KAT7: variants seen among roughly 807,000 people sequenced by gnomAD.
KAT7 encodes the protein lysine acetyltransferase 7, also known as histone acetyltransferase KAT7.
In KAT7, 10 loss-of-function variants were observed where a neutral mutation model predicts 82.1. The ratio of observed to expected loss-of-function variants is 0.12; its 90% CI spans 0.08 to 0.21. KAT7 has a LOEUF of 0.21. Ranked by LOEUF, KAT7 falls within the 10% of genes least tolerant of loss-of-function variation. The probability of loss-of-function intolerance (pLI) is 1.00; values close to 1 mark genes in which losing one functional copy is unlikely to be tolerated. For synonymous variants in KAT7, 250 were observed against 262.5 expected (o/e 0.95, Z 0.46); for missense variants, 378 against 760.9 (o/e 0.50, Z 5.92).
intron 6 of KAT7, among the ~76,000 whole-genome samples, chr17:49,810,405 C>T (rs182804609): frequency 2.6e-5 from 4 of 152,086 alleles, no homozygotes; most frequent in Non-Finnish European, 2.9e-5. Context: ...TACAGGGGCA[C>T]GCCACCACGC....
At position 49,821,141 on chromosome 17, in the gene KAT7, G is replaced by A. The variant is rs114015156; in HGVS notation, c.1156-196G>A. On this transcript the variant is annotated intron_variant, in intron 9 of 14. Transcript: ENST00000259021. ...ACTTGTTCCAGATTGCTATAAAAGT[G>A]TCATAAATATATTCAAATGACTTTG... 4.0e-3 allele frequency among the ~76,000 whole-genome samples: 616 copies of A among 152,288 alleles called. 6 individuals are homozygous for A. Among genetic ancestry groups the A allele is most frequent in the African/African-American group, 0.014 (597 of 41,554 alleles).
intron 1 of KAT7, among the ~76,000 whole-genome samples, chr17:49,791,396 G>C (rs909360703): frequency 2.0e-4 from 31 of 152,186 alleles, no homozygotes; most frequent in Non-Finnish European, 4.1e-4. Flanking sequence ...GGTGGCTCAC[G>C]TCTGTAATCC....
At position 49,811,270 on chromosome 17, in the gene KAT7, C is replaced by G. The variant is rs570585932; in HGVS notation, c.754-206C>G. The stretch of plus-strand genomic sequence containing the variant: ...TACAGGCGTGCACCACCATGCCTGG[C>G]TAATTTTTGTATTTTTAATAGAGAT... On this transcript the variant is annotated intron_variant, in intron 6 of 14. Transcript: ENST00000259021. Among the ~76,000 whole-genome samples, 505 of 151,984 alleles carry G rather than the reference C, an allele frequency of 3.3e-3. 5 individuals carry two copies. The highest frequency in any genetic ancestry group is 0.012 in the African/African-American group (488 of 41,438).
intron 10 of KAT7, 57 bp from the exon 11 acceptor site, chr17:49,821,593 C>T: frequency 6.3e-7 from 1 of 1,593,922 alleles, no homozygotes; most frequent in Non-Finnish European, 8.6e-7. Flanking sequence ...GAATTTTAGG[C>T]CTTTATCTGT....
At chr17:49,799,103 CTTA>C (rs1250643702) in intron 4 of KAT7, among the ~76,000 whole-genome samples, 1 of 152,098 alleles carries the variant, frequency 6.6e-6, no homozygotes, top group African/African-American at 2.4e-5. Context: ...AAATAAGTAT[CTTA>C]TTATATTCTT....
intron 14 of KAT7, chr17:49,827,157 A>G: frequency 4.1e-6 from 2 of 490,686 alleles, no homozygotes; most frequent in East Asian, 3.3e-5. Flanking sequence ...CTAATTTTTT[A>G]AATTATTTCA....
intron 7 of KAT7, among the ~76,000 whole-genome samples, chr17:49,812,459 A>G (rs2074179723): frequency 6.6e-6 from 1 of 151,450 alleles, no homozygotes; most frequent in African/African-American, 2.4e-5. Context: ...TCCTGACCTC[A>G]GGTAATCTGC....
chr17:49,820,108 A>G (rs1328065221), intron 9 of KAT7, among the ~76,000 whole-genome samples: 1 of 152,196 alleles, frequency 6.6e-6, no homozygotes, highest in Non-Finnish European at 1.5e-5. Flanking sequence ...CTTTTGAAAA[A>G]TTAACTAACC....
At position 49,828,784 on chromosome 17, in the gene KAT7, A is replaced by G. The variant is rs557579297; in HGVS notation, c.*1282A>G. ...GATGTATGACATGTCACCCTTCCCA[A>G]CTTGGTCTCCTCCAACATGCTGTCT... On this transcript the variant is annotated 3_prime_UTR_variant, in exon 15 of 15. Transcript: ENST00000259021. 14 of 153,362 alleles carry G rather than the reference A, an allele frequency of 9.1e-5. No individual in the cohort carries two copies. The highest frequency in any genetic ancestry group is 3.1e-4 in the African/African-American group (13 of 41,540). 9.5% of individuals were successfully genotyped at this position (153,362 alleles called of 1,614,324 possible).
chr17:49,813,153 T>C (rs1243871622), intron 7 of KAT7, among the ~76,000 whole-genome samples: 4 of 152,088 alleles, frequency 2.6e-5, no homozygotes, highest in Non-Finnish European at 4.4e-5. Context: ...AACATAGTGA[T>C]AGGTAGTTTT....
intron 9 of KAT7, among the ~76,000 whole-genome samples, chr17:49,819,672 C>T (rs1204117304): frequency 2.0e-5 from 3 of 152,122 alleles, no homozygotes; most frequent in Admixed American, 6.5e-5. Flanking sequence ...TCAGGAAATA[C>T]CTAATTTATT....
At chr17:49,827,196 A>G in intron 14 of KAT7, 1 of 551,682 alleles carries the variant, frequency 1.8e-6, no homozygotes, top group South Asian at 2.7e-5. Flanking sequence ...GTGAGCGATG[A>G]TTTTCATTTC....
intron 2 of KAT7, chr17:49,795,791 A>G (rs1186599599): frequency 9.0e-6 from 2 of 222,508 alleles, no homozygotes; most frequent in African/African-American, 2.3e-5. Context: ...GTGTTTTCAC[A>G]TAAGATGTAG....
rs1041319262 is a variant in KAT7 at position 49,832,891 on chromosome 17, G to A, written c.*5389G>A. ...TGCTGTTCATTGGGATCATGGAATC[G>A]GACCTCAGCTGGTTTTGCCTCAGCA... On this transcript the variant is annotated 3_prime_UTR_variant, in exon 15 of 15. Coordinates refer to ENST00000259021, the MANE Select transcript of KAT7 (RefSeq NM_007067.5). The A allele has an allele frequency of 6.6e-6, 1 of 152,180 alleles. No individual in the cohort carries two copies. The highest frequency in any genetic ancestry group is 2.4e-5 in the African/African-American group (1 of 41,420). 9.4% of individuals were successfully genotyped at this position (152,180 alleles called of 1,614,324 possible). A position where few individuals can be genotyped will look rare whatever the true frequency, so the allele number is the denominator to read the frequency against.
At chr17:49,811,429 T>G (rs1467101122) in intron 6 of KAT7, 47 bp from the exon 7 acceptor site, 3 of 1,001,974 alleles carry the variant, frequency 3.0e-6, no homozygotes, top group South Asian at 3.3e-5. Flanking sequence ...TTTTGAAGCT[T>G]AGCTTTATAA....
chr17:49,826,416 C>T (rs1424624520), intron 13 of KAT7: 4 of 497,242 alleles, frequency 8.0e-6, no homozygotes, highest in Non-Finnish European at 1.4e-5. Flanking sequence ...CTGAGAAAGA[C>T]ATCCCTGTGT....
chr17:49,825,409 C>T (rs533459940), intron 12 of KAT7, among the ~76,000 whole-genome samples: 1 of 152,174 alleles, frequency 6.6e-6, no homozygotes, highest in Non-Finnish European at 1.5e-5. Flanking sequence ...CACACACCTA[C>T]AGAGATTCAT....
At chr17:49,792,222 T>C (rs1488524336) in intron 2 of KAT7, among the ~76,000 whole-genome samples, 189 bp downstream of exon 2, 2 of 152,232 alleles carry the variant, frequency 1.3e-5, no homozygotes, top group East Asian at 3.8e-4. Flanking sequence ...GGGGGGCTAC[T>C]ATCCAATCTG....
chr17:49,798,331 C>T lies in KAT7; in HGVS notation c.353C>T (p.Thr118Ile). ...GCTTTTGCTTTAGAAACTAAAAATA[C>T]AGCTGATCATGATGAGTCACCGCCT... is the stretch of plus-strand genomic sequence containing the variant. ...VDFSDRETKN[T>I]ADHDESPPRT... The change falls in exon 4 of 15, where the codon ACA becomes ATA. Residue 118 changes from threonine to isoleucine, a missense_variant. Thr to Ile is a moderately conservative substitution (Grantham distance 89). Around this residue, in one of 6 missense-constraint regions of KAT7, gnomAD observed 161 missense variants for 229.6 expected, o/e 0.70. Transcript: ENST00000259021. The T allele has an allele frequency of 6.2e-7, 1 of 1,613,926 alleles. No homozygotes were observed. The highest frequency in any genetic ancestry group is 1.1e-5 in the South Asian group (1 of 91,080).
Sources: gnomAD v4.1 joint callset for allele counts (sites outside exome capture counted in the v4.1 genomes callset) on GRCh38, gnomAD v4.1.1 for gene constraint, gnomAD v4.1.1 regional missense constraint, MANE v1.5 for transcripts, NCBI Gene and HGNC (gene_info 2026-07-23, HGNC 2026-07-21) for gene names.